MFAP3L: variants seen among roughly 807,000 people sequenced by gnomAD.
The protein encoded by MFAP3L is microfibrillar-associated protein 3-like.
A neutral mutation model predicts 20.0 loss-of-function variants in MFAP3L; 5 were observed. The observed-to-expected ratio is 0.25, with a 90% confidence interval of 0.13 to 0.53. The LOEUF (loss-of-function observed/expected upper bound fraction) is 0.53, where lower values mean the gene tolerates loss of function less well. Among genes scored for constraint, MFAP3L ranks in the 20% least tolerant of loss-of-function variants. MFAP3L has a pLI of 0.96. For missense variants in MFAP3L, 409 were observed against 527.5 expected, an observed-to-expected ratio of 0.78 and a Z score of 2.20; for synonymous variants, 219 against 213.0, an observed-to-expected ratio of 1.03 and a Z score of -0.25.
Position 169,991,217 on chromosome 4 carries a change from C to T in MFAP3L, c.*161G>A. The T allele has an allele frequency of 4.2e-6, 3 of 717,906 alleles. No individual in the cohort carries two copies. Among genetic ancestry groups the T allele is most frequent in the Non-Finnish European group, 6.8e-6 (3 of 440,958 alleles). The allele number at this position is 717,906 out of a possible 1,614,324, so 44.5% of individuals were successfully genotyped here. ...CCTTCTCTACTGGGGAAATTCCAGT[C>T]CCATTCACTGCAGGCAGGTGTTTCT... On this transcript the variant is annotated 3_prime_UTR_variant, in exon 3 of 3. Coordinates refer to ENST00000361618, the MANE Select transcript of MFAP3L (RefSeq NM_021647.8). This position sits in a 1 kb window ranked among gnomAD's most constrained non-coding sequence, Gnocchi z 4.9.
At chr4:170,027,210 C>T (rs555015268), upstream of MFAP3L, 2 of 147,958 alleles carry the variant, frequency 1.4e-5, no homozygotes, top group Non-Finnish European at 3.0e-5. Flanking sequence ...TTCTTCTCCT[C>T]CTTATCTCCC....
chr4:170,012,570 T>G (rs756571711), intron 1 of MFAP3L, among the ~76,000 whole-genome samples: 53 of 152,324 alleles, frequency 3.5e-4, no homozygotes, highest in Non-Finnish European at 6.8e-4. Context: ...CTTCTCTCTC[T>G]GTACCCCTGG....
chr4:170,010,834 G>A (rs1049541560), intron 1 of MFAP3L, among the ~76,000 whole-genome samples: 1 of 151,890 alleles, frequency 6.6e-6, no homozygotes, highest in African/African-American at 2.4e-5. Context: ...CCTAACCCAT[G>A]TTGTTCAAGC....
chr4:170,026,055 C>T (rs1289391093), intron 1 of MFAP3L, among the ~76,000 whole-genome samples, 179 bp downstream of exon 1: 1 of 152,112 alleles, frequency 6.6e-6, no homozygotes, highest in Non-Finnish European at 1.5e-5. Context: ...ATCCTGCGAC[C>T]CCCTGGAGCC....
At chr4:170,007,930 G>T (rs1436173455) in intron 1 of MFAP3L, among the ~76,000 whole-genome samples, 2 of 152,138 alleles carry the variant, frequency 1.3e-5, no homozygotes, top group Admixed American at 1.3e-4. Context: ...CCCAGTTAAA[G>T]AAAATGCCAC....
intron 1 of MFAP3L, among the ~76,000 whole-genome samples, chr4:170,022,950 C>T (rs1315319180): frequency 6.6e-6 from 1 of 152,174 alleles, no homozygotes; most frequent in Non-Finnish European, 1.5e-5. Context: ...TGAATAACCT[C>T]CCCATGGCAA....
intron 1 of MFAP3L, among the ~76,000 whole-genome samples, chr4:170,023,003 C>T (rs1423831340): frequency 6.6e-6 from 1 of 152,178 alleles, no homozygotes; most frequent in Non-Finnish European, 1.5e-5. Context: ...AAAGTGGACA[C>T]CTTTGGTGGG....
rs776080666 is a variant in MFAP3L, at chr4:169,991,619, G to A, written c.989C>T (p.Ala330Val). ...AAACTGTCCACCCTCTTGGTCATCT[G>A]CATGCTCTTTTTTGGACTGCGGGTG... ...SVHPQSKKEH[A>V]DDQEGGQFEV... Residue 330 changes from alanine (A) to valine (V), a missense_variant, in exon 3 of 3, where the codon GCA (alanine) becomes GTA (valine). Transcript: ENST00000361618. This position sits in a 1 kb window ranked among gnomAD's most constrained non-coding sequence, Gnocchi z 4.9. The A allele has an allele frequency of 4.2e-5, 67 of 1,614,062 alleles. No individual in the cohort carries two copies. In the Middle Eastern group the frequency reaches 4.9e-3, roughly 119 times the overall value.
chr4:169,992,227 A>C lies in MFAP3L; in HGVS notation c.381T>G (p.Ala127=). Residue 127 remains alanine (A), a synonymous_variant, in exon 3 of 3, where the codon GCT becomes GCG. Coordinates refer to ENST00000361618, the MANE Select transcript of MFAP3L (RefSeq NM_021647.8). The surrounding 1 kb of genome is among the most constrained non-coding windows in gnomAD (Gnocchi z 4.3). The part of the protein sequence containing the change: ...FSDRGKYTCV[A]SNIYGTVNNT... ...TGTTCACGGTGCCGTAGATGTTAGA[A>C]GCCACACACGTGTATTTACCTCGGT... is the stretch of plus-strand genomic sequence containing the variant. 3 of 1,614,154 alleles carry C rather than the reference A, an allele frequency of 1.9e-6. No individual in the cohort carries two copies. The highest frequency in any genetic ancestry group is 2.5e-6 in the Non-Finnish European group (3 of 1,180,026).
chr4:170,011,908 G>C (rs1014766329), intron 1 of MFAP3L, among the ~76,000 whole-genome samples: 15 of 152,158 alleles, frequency 9.9e-5, no homozygotes, highest in African/African-American at 3.6e-4. Context: ...AAGAGGAATA[G>C]AATATTGAAA....
chr4:169,988,369 T>C lies in MFAP3L; in HGVS notation c.*3009A>G, dbSNP rs1737420967. On this transcript the variant is annotated 3_prime_UTR_variant, in exon 3 of 3. Transcript: ENST00000361618. ...TAAGTGAATTAAATGTACACACATA[T>C]GTGAATCATTTTCAGAATTTCAAGA... 6.6e-6 allele frequency: 1 copy of C among 152,216 alleles called. No homozygotes were observed. The highest frequency in any genetic ancestry group is 1.5e-5 in the Non-Finnish European group (1 of 68,040). The allele number at this position is 152,216 out of a possible 1,614,324, so 9.4% of individuals were successfully genotyped here. A position where few individuals can be genotyped will look rare whatever the true frequency, so the allele number is the denominator to read the frequency against.
rs1737826105 is a variant in MFAP3L, at chr4:169,992,807, G to A, written c.299-498C>T. Among the ~76,000 whole-genome samples, 1 of 152,196 alleles carries A rather than the reference G, an allele frequency of 6.6e-6. No homozygotes were observed. The highest frequency in any genetic ancestry group is 2.4e-5 in the African/African-American group (1 of 41,460). On this transcript the variant is annotated intron_variant, in intron 2 of 2. Coordinates refer to ENST00000361618, the MANE Select transcript of MFAP3L (RefSeq NM_021647.8). The surrounding 1 kb of genome is among the most constrained non-coding windows in gnomAD (Gnocchi z 4.3). Reference sequence around the variant, plus strand: ...ATATATGTTCACTGGGGAGGTTAATGCAATTAAATTGTTTACCTGAGTTTC... The same window carrying A: ...ATATATGTTCACTGGGGAGGTTAATACAATTAAATTGTTTACCTGAGTTTC...
At chr4:169,999,638 C>A (rs1055921175) in intron 2 of MFAP3L, among the ~76,000 whole-genome samples, 2 of 152,170 alleles carry the variant, frequency 1.3e-5, no homozygotes, top group African/African-American at 4.8e-5. Context: ...TGAAATGGAT[C>A]TGGAAGGGTC....
chr4:170,008,381 TAATA>T (rs1348221942), intron 1 of MFAP3L, among the ~76,000 whole-genome samples: 1 of 152,218 alleles, frequency 6.6e-6, no homozygotes, highest in Non-Finnish European at 1.5e-5. Context: ...ACTAATGAAT[TAATA>T]GTTTTAGTAA....
chr4:170,002,087 A>T, intron 2 of MFAP3L: 1 of 985,056 alleles, frequency 1.0e-6, no homozygotes, highest in Non-Finnish European at 1.2e-6. Context: ...TGTGCATGCC[A>T]TGTACACACA....
At chr4:170,016,242 A>G (rs1159122548) in intron 1 of MFAP3L, among the ~76,000 whole-genome samples, 2 of 152,204 alleles carry the variant, frequency 1.3e-5, no homozygotes, top group East Asian at 3.8e-4. Flanking sequence ...TAAAAGCCAG[A>G]GGCAGCCTTG....
At chr4:170,003,533 T>C (rs879920201) in intron 2 of MFAP3L, 14 of 284,376 alleles carry the variant, frequency 4.9e-5, no homozygotes, top group South Asian at 1.4e-4. Flanking sequence ...CGCAGTAAGA[T>C]ACTACACTTT....
intron 1 of MFAP3L, among the ~76,000 whole-genome samples, chr4:170,021,521 T>C (rs555807633): frequency 1.3e-5 from 2 of 152,370 alleles, no homozygotes; most frequent in East Asian, 1.9e-4. Flanking sequence ...GGATAAATTT[T>C]AGTCAAGTCT....
chr4:169,991,295 C>G lies in MFAP3L; in HGVS notation c.*83G>C, dbSNP rs971491842. The G allele has an allele frequency of 2.1e-6, 3 of 1,417,368 alleles. No individual in the cohort carries two copies. In the African/African-American group the frequency reaches 4.3e-5, roughly 20 times the overall value. The allele number at this position is 1,417,368 out of a possible 1,614,324, so 87.8% of individuals were successfully genotyped here. A position where few individuals can be genotyped will look rare whatever the true frequency, so the allele number is the denominator to read the frequency against. The stretch of plus-strand genomic sequence containing the variant: ...AAGGGATGAGAGTCTCCTGGTAAGG[C>G]TTAGCGGCAAGTGCGTACTACATCT... On this transcript the variant is annotated 3_prime_UTR_variant, in exon 3 of 3. Coordinates refer to ENST00000361618, the MANE Select transcript of MFAP3L (RefSeq NM_021647.8). This position sits in a 1 kb window ranked among gnomAD's most constrained non-coding sequence, Gnocchi z 4.9.
Sources: gnomAD v4.1 joint callset for allele counts (sites outside exome capture counted in the v4.1 genomes callset) on GRCh38, gnomAD v4.1.1 for gene constraint, Gnocchi (gnomAD v3.1) non-coding constraint, MANE v1.5 for transcripts, NCBI Gene and HGNC (gene_info 2026-07-23, HGNC 2026-07-21) for gene names.